The following ADAMTS2 variants were observed in gnomAD, a reference collection of about 807,000 sequenced individuals.
ADAMTS2 encodes ADAM metallopeptidase with thrombospondin type 1 motif 2.
ADAMTS2 carries 50 observed loss-of-function variants against 123.0 expected under a neutral mutation model. The ratio of observed to expected loss-of-function variants is 0.41; its 90% CI spans 0.32 to 0.51. The LOEUF (loss-of-function observed/expected upper bound fraction) is 0.51, where lower values mean the gene tolerates loss of function less well. Ranked by LOEUF, ADAMTS2 falls within the 20% of genes least tolerant of loss-of-function variation. The pLI is 0.35. For missense variants in ADAMTS2, 1,494 were observed against 1,705.2 expected (o/e 0.88, Z 2.18); for synonymous variants, 678 against 695.4 (o/e 0.98, Z 0.39).
chr5:179,271,161 G>A (rs1292783768), intron 3 of ADAMTS2, among the ~76,000 whole-genome samples: 1 of 152,216 alleles, frequency 6.6e-6, no homozygotes, highest in African/African-American at 2.4e-5. Context: ...GGGTGGGGGT[G>A]GAGGGAGGAT....
chr5:179,344,245 G>A (rs1479995156), intron 1 of ADAMTS2, 84 bp from the exon 2 acceptor site: 3 of 1,491,302 alleles, frequency 2.0e-6, no homozygotes, highest in African/African-American at 1.4e-5. Context: ...CGCCCCCCCA[G>A]ACCCCGCCCC....
At position 179,256,833 on chromosome 5, in the gene ADAMTS2, C is replaced by T. The variant is rs1271494903; in HGVS notation, c.688+16078G>A. On this transcript the variant is annotated intron_variant, in intron 3 of 21. Transcript: ENST00000251582. This position sits in a 1 kb window ranked among gnomAD's most constrained non-coding sequence, Gnocchi z 4.1. ...AGTGTACACTCAACATTTCTGAAGC[C>T]GTTGTACGAGTCAAATAAAACATTG... Among the ~76,000 whole-genome samples, 1 of 152,358 alleles carries T rather than the reference C, an allele frequency of 6.6e-6. No individual in the cohort carries two copies. The highest frequency in any genetic ancestry group is 1.5e-5 in the Non-Finnish European group (1 of 68,032).
chr5:179,190,649 A>G (rs1764283157), intron 4 of ADAMTS2, among the ~76,000 whole-genome samples: 2 of 152,234 alleles, frequency 1.3e-5, no homozygotes, highest in Non-Finnish European at 2.9e-5. Flanking sequence ...CAAAAGCTTT[A>G]TTGCTCACAC....
intron 2 of ADAMTS2, among the ~76,000 whole-genome samples, chr5:179,336,303 G>GC (rs1561765236): frequency 6.6e-6 from 1 of 152,254 alleles, no homozygotes; most frequent in East Asian, 1.9e-4. Flanking sequence ...GCAGAAAGGC[G>GC]CATGTAGCTT....
At position 179,256,685 on chromosome 5, in the gene ADAMTS2, C is replaced by T. The variant is rs115047258; in HGVS notation, c.688+16226G>A. ...TCGGCAGGGAGGGAGGGGTTGTGTT[C>T]GCCCATCCAGAGGAGGCACAGAGCC... On this transcript the variant is annotated intron_variant, in intron 3 of 21. Transcript: ENST00000251582. The surrounding 1 kb of genome is among the most constrained non-coding windows in gnomAD (Gnocchi z 4.1). Among the ~76,000 whole-genome samples the T allele has an allele frequency of 3.5e-3, 539 of 152,264 alleles. 7 individuals are homozygous for T. Among genetic ancestry groups the T allele is most frequent in the African/African-American group, 0.012 (502 of 41,546 alleles).
chr5:179,166,761 T>C (rs766892705), intron 5 of ADAMTS2, among the ~76,000 whole-genome samples: 12 of 152,162 alleles, frequency 7.9e-5, no homozygotes, highest in Non-Finnish European at 1.8e-4. Flanking sequence ...TCTGAGTCAC[T>C]AAAGCCTAAG....
In ADAMTS2 at chr5:179,117,193, A is replaced by G. The variant is rs910628133; in HGVS notation, c.3179-2869T>C. Among the ~76,000 whole-genome samples the G allele has an allele frequency of 6.6e-6, 1 of 152,078 alleles. No homozygotes were observed. Among genetic ancestry groups the G allele is most frequent in the Non-Finnish European group, 1.5e-5 (1 of 68,006 alleles). Reference sequence around the variant, plus strand: ...CTGGTTTGTGAAACCACTGAGCCCTACCCTCAGGGAAACACAGGGGGTTCT... The same window carrying G: ...CTGGTTTGTGAAACCACTGAGCCCTGCCCTCAGGGAAACACAGGGGGTTCT... On this transcript the variant is annotated intron_variant, in intron 21 of 21. Coordinates refer to ENST00000251582, the MANE Select transcript of ADAMTS2 (RefSeq NM_014244.5). The surrounding 1 kb of genome is among the most constrained non-coding windows in gnomAD (Gnocchi z 4.2).
At chr5:179,240,871 T>G (rs1765651815) in intron 3 of ADAMTS2, among the ~76,000 whole-genome samples, 1 of 151,858 alleles carries the variant, frequency 6.6e-6, no homozygotes, top group Non-Finnish European at 1.5e-5. Flanking sequence ...CTCCCAGAGG[T>G]TTTGTCCGGT....
rs552355292 is a variant in ADAMTS2, at chr5:179,256,642, G to C, written c.688+16269C>G. Among the ~76,000 whole-genome samples, 96 of 150,326 alleles carry C rather than the reference G, an allele frequency of 6.4e-4. No homozygotes were observed. The highest frequency in any genetic ancestry group is 1.2e-3 in the Non-Finnish European group (79 of 67,942). On this transcript the variant is annotated intron_variant, in intron 3 of 21. Coordinates refer to ENST00000251582, the MANE Select transcript of ADAMTS2 (RefSeq NM_014244.5). This position sits in a 1 kb window ranked among gnomAD's most constrained non-coding sequence, Gnocchi z 4.1. The stretch of plus-strand genomic sequence containing the variant: ...CCAGGCAGGCGGGGCCAGCATGAGT[G>C]GGGGGGCCAGGCACGAATCGGCAGG...
chr5:179,160,133 T>C (rs754869341), intron 5 of ADAMTS2, among the ~76,000 whole-genome samples: 1 of 152,198 alleles, frequency 6.6e-6, no homozygotes, highest in African/African-American at 2.4e-5. Context: ...ATCCACAAAG[T>C]AGAGCCACGT....
rs1343275277 is a variant in ADAMTS2 at position 179,111,603 on chromosome 5, T to C, written c.*2264A>G. 2 of 152,252 alleles carry C rather than the reference T, an allele frequency of 1.3e-5. No individual in the cohort carries two copies. The highest frequency in any genetic ancestry group is 2.9e-5 in the Non-Finnish European group (2 of 68,058). 9.4% of individuals were successfully genotyped at this position (152,252 alleles called of 1,614,324 possible). On this transcript the variant is annotated 3_prime_UTR_variant, in exon 22 of 22. Transcript: ENST00000251582. Reference sequence around the variant, plus strand: ...CCAGGGAATGTCCCAGCTGGGCCTCTTCCCAAAGGCTTCCAGCCTCAAGCC... The same window carrying C: ...CCAGGGAATGTCCCAGCTGGGCCTCCTCCCAAAGGCTTCCAGCCTCAAGCC...
intron 4 of ADAMTS2, among the ~76,000 whole-genome samples, chr5:179,193,915 C>T (rs1001488907): frequency 1.3e-5 from 2 of 152,164 alleles, no homozygotes; most frequent in African/African-American, 4.8e-5. Context: ...AGTGAGAGCC[C>T]ACGCCAGGTC....
chr5:179,338,521 G>T (rs1164535690), intron 2 of ADAMTS2, among the ~76,000 whole-genome samples: 1 of 152,176 alleles, frequency 6.6e-6, no homozygotes, highest in Non-Finnish European at 1.5e-5. Context: ...GGGAGTCATT[G>T]CCCCACCCTC....
At position 179,225,491 on chromosome 5, in the gene ADAMTS2, C is replaced by G. The variant is rs115180739; in HGVS notation, c.689-17776G>C. The stretch of plus-strand genomic sequence containing the variant: ...ATTTCCCAAGACCACCCTGGTCCAC[C>G]ATGTCCCCATCCTGTGCCTATAAAA... On this transcript the variant is annotated intron_variant, in intron 3 of 21. Coordinates refer to ENST00000251582, the MANE Select transcript of ADAMTS2 (RefSeq NM_014244.5). The surrounding 1 kb of genome is among the most constrained non-coding windows in gnomAD (Gnocchi z 4.5). Among the ~76,000 whole-genome samples, 257 of 152,296 alleles carry G rather than the reference C, an allele frequency of 1.7e-3. 1 individual carries two copies. The highest frequency in any genetic ancestry group is 6.0e-3 in the African/African-American group (251 of 41,550).
chr5:179,166,159 A>G (rs886243129), intron 5 of ADAMTS2, among the ~76,000 whole-genome samples: 115 of 151,892 alleles, frequency 7.6e-4, no homozygotes, highest in African/African-American at 2.7e-3. Flanking sequence ...CCACATGGAG[A>G]CCCTCCTTGC....
intron 18 of ADAMTS2, 98 bp from the exon 19 acceptor site, chr5:179,125,278 C>A (rs1238235564): frequency 8.8e-7 from 1 of 1,132,362 alleles, no homozygotes; most frequent in Non-Finnish European, 1.3e-6. Context: ...AGGTAGACAG[C>A]GAGCACAGAG....
chr5:179,116,087 G>A (rs1182552513), intron 21 of ADAMTS2, among the ~76,000 whole-genome samples: 12 of 152,128 alleles, frequency 7.9e-5, no homozygotes, highest in East Asian at 3.9e-4. Context: ...TGGGTGCCCC[G>A]TCCTAGACAC....
intron 3 of ADAMTS2, among the ~76,000 whole-genome samples, chr5:179,240,517 T>C (rs1276300487): frequency 6.6e-6 from 1 of 151,874 alleles, no homozygotes; most frequent in Non-Finnish European, 1.5e-5. Context: ...ACCGGGAAAA[T>C]AGAAGGTCAT....
At chr5:179,213,469 T>C (rs894816001) in intron 3 of ADAMTS2, among the ~76,000 whole-genome samples, 5 of 152,040 alleles carry the variant, frequency 3.3e-5, no homozygotes, top group African/African-American at 1.2e-4. Flanking sequence ...CGCAGGGCTG[T>C]GAGGGGCCTG....
Sources: gnomAD v4.1 joint callset for allele counts (sites outside exome capture counted in the v4.1 genomes callset) on GRCh38, gnomAD v4.1.1 for gene constraint, Gnocchi (gnomAD v3.1) non-coding constraint, MANE v1.5 for transcripts, NCBI Gene and HGNC (gene_info 2026-07-23, HGNC 2026-07-21) for gene names.